MMP26: variants seen among roughly 807,000 people sequenced by gnomAD.
MMP26 encodes matrix metalloproteinase-26.
In MMP26, 33 loss-of-function variants were observed where a neutral mutation model predicts 31.0. The ratio of observed to expected loss-of-function variants is 1.06; its 90% confidence interval spans 0.81 to 1.42. MMP26 has a LOEUF of 1.42. Ranked by LOEUF, MMP26 falls within the 40% of genes most tolerant of loss-of-function variation. MMP26 has a pLI of 0.00. For synonymous variants in MMP26, 122 were observed against 114.9 expected, an observed-to-expected ratio of 1.06 and a Z score of -0.40; for missense variants, 347 against 316.1, an observed-to-expected ratio of 1.10 and a Z score of -0.74.
chr11:4,863,132 G>T (rs539142484), intron 2 of MMP26, among the ~76,000 whole-genome samples: 1 of 152,200 alleles, frequency 6.6e-6, no homozygotes, highest in African/African-American at 2.4e-5. Flanking sequence ...CTGAAGCCCT[G>T]TTCTTCCATG....
chr11:4,950,009 A>G (rs1009250307), intron 2 of MMP26, among the ~76,000 whole-genome samples: 9 of 122,964 alleles, frequency 7.3e-5, no homozygotes, highest in African/African-American at 2.5e-4. Flanking sequence ...GAGCTCTCAA[A>G]AGTTGTGATA....
chr11:4,816,561 A>G (rs73403054), intron 2 of MMP26, among the ~76,000 whole-genome samples: 11,902 of 152,014 alleles, frequency 0.078, 793 homozygotes, highest in African/African-American at 0.18. Flanking sequence ...AACGAAAGAT[A>G]ATTTAAATTC....
chr11:4,989,721 T>C lies in MMP26; in HGVS notation c.173T>C (p.Leu58Pro), dbSNP rs1291671419. 1 of 1,613,984 alleles carries C rather than the reference T, an allele frequency of 6.2e-7. No homozygotes were observed. The highest frequency in any genetic ancestry group is 1.1e-5 in the South Asian group (1 of 91,076). The change falls in exon 4 of 8, where the codon CTG (leucine) becomes CCG (proline). Residue 58 changes from leucine (L) to proline (P), a missense_variant. Physicochemically the swap from Leu to Pro is moderately conservative, Grantham distance 98. Coordinates refer to ENST00000380390, the MANE Select transcript of MMP26 (RefSeq NM_021801.5). ...ACCCAGGAGACACAAACACAGCTCC[T>C]GCAACAATTCCATCGGAATGGGACA... The part of the protein sequence containing the change: ...LLTQETQTQL[L>P]QQFHRNGTDL...
In MMP26 at chr11:4,924,305, G is replaced by A. The variant is rs755634175; in HGVS notation, c.-144-63763G>A. 8.1e-6 allele frequency: 13 copies of A among 1,612,050 alleles called. No individual in the cohort carries two copies. The East Asian group carries it at 2.7e-4, about 33-fold the overall frequency. On this transcript the variant is annotated intron_variant, in intron 2 of 7. Coordinates refer to ENST00000380390, the MANE Select transcript of MMP26 (RefSeq NM_021801.5). ...TTGGAAGCCCGTCAGGAAGAAAGTG[G>A]CTCTTTGGAGGCTGCTATTAAGAAG...
At chr11:4,868,080 A>T (rs899270596) in intron 2 of MMP26, among the ~76,000 whole-genome samples, 2 of 152,182 alleles carry the variant, frequency 1.3e-5, no homozygotes, top group African/African-American at 4.8e-5. Flanking sequence ...GAATGAAATC[A>T]TGTCCTTTCC....
chr11:4,980,921 A>G lies in MMP26; in HGVS notation c.-144-7147A>G, dbSNP rs562695889. Among the ~76,000 whole-genome samples, 29 of 152,172 alleles carry G rather than the reference A, an allele frequency of 1.9e-4. No homozygotes were observed. In the East Asian group the frequency reaches 5.4e-3, roughly 28 times the overall value. On this transcript the variant is annotated intron_variant, in intron 2 of 7. Coordinates refer to ENST00000380390, the MANE Select transcript of MMP26 (RefSeq NM_021801.5). ...AATGAAGAAAATAAAATCATAACAT[A>G]AACATATTAAGAAGGACAGGACTTA...
rs80228945 is a variant in MMP26, at chr11:4,955,667, A to G, written c.-144-32401A>G. ...ATATTCTAGCCCTGGCATCCCAACC[A>G]AGAAGAAGGTGGTGATTTCAACATA... On this transcript the variant is annotated intron_variant, in intron 2 of 7. Transcript: ENST00000380390. 1,924 of 1,534,124 alleles carry G rather than the reference A, an allele frequency of 1.3e-3. 1 individual carries two copies. The African/African-American group carries it at 0.023, about 19-fold the overall frequency.
At chr11:4,815,599 AG>A (rs1418064162) in intron 2 of MMP26, among the ~76,000 whole-genome samples, 1 of 152,162 alleles carries the variant, frequency 6.6e-6, no homozygotes, top group African/African-American at 2.4e-5. Context: ...AATTTTAGAC[AG>A]GGAACACAGC....
At chr11:4,725,750 C>T (rs1489755393) in intron 1 of MMP26, among the ~76,000 whole-genome samples, 1 of 152,180 alleles carries the variant, frequency 6.6e-6, no homozygotes, top group African/African-American at 2.4e-5. Context: ...GCACTGATGA[C>T]TGACTCCCTT....
At chr11:4,960,377 A>G (rs569813158) in intron 2 of MMP26, among the ~76,000 whole-genome samples, 30 of 151,882 alleles carry the variant, frequency 2.0e-4, no homozygotes, top group Admixed American at 9.2e-4. Flanking sequence ...AAGAAAGGTC[A>G]TGATGCCCCA....
chr11:4,825,573 CATA>C (rs1361898539), intron 2 of MMP26, among the ~76,000 whole-genome samples: 1 of 152,114 alleles, frequency 6.6e-6, no homozygotes, highest in African/African-American at 2.4e-5. Context: ...CAGCCCATTC[CATA>C]ATCTTTAGAT....
intron 2 of MMP26, among the ~76,000 whole-genome samples, chr11:4,939,638 G>T (rs760109606): frequency 6.6e-5 from 10 of 152,070 alleles, no homozygotes; most frequent in Non-Finnish European, 1.0e-4. Flanking sequence ...GGACAGTATG[G>T]GAAAACCTTG....
intron 1 of MMP26, among the ~76,000 whole-genome samples, chr11:4,765,613 C>G (rs1848618893): frequency 6.6e-6 from 1 of 152,146 alleles, no homozygotes; most frequent in South Asian, 2.1e-4. Context: ...TGGTGGTTAC[C>G]TACTGCAACC....
chr11:4,865,728 C>A (rs545258812), intron 2 of MMP26, among the ~76,000 whole-genome samples: 1 of 152,134 alleles, frequency 6.6e-6, no homozygotes, highest in South Asian at 2.1e-4. Context: ...CCAGACAATG[C>A]AGACTCGACT....
intron 2 of MMP26, among the ~76,000 whole-genome samples, chr11:4,931,974 T>A (rs1310369260): frequency 6.6e-6 from 1 of 152,094 alleles, no homozygotes; most frequent in Non-Finnish European, 1.5e-5. Flanking sequence ...ATCATCTTGC[T>A]TCCTTGATCC....
intron 2 of MMP26, among the ~76,000 whole-genome samples, chr11:4,884,776 C>A (rs1339120950): frequency 6.6e-6 from 1 of 151,878 alleles, no homozygotes; most frequent in Non-Finnish European, 1.5e-5. Context: ...TTTTTTCTTT[C>A]TTAAGTTTGG....
intron 1 of MMP26, among the ~76,000 whole-genome samples, chr11:4,740,297 A>G (rs1232703842): frequency 6.6e-6 from 1 of 152,232 alleles, no homozygotes; most frequent in East Asian, 1.9e-4. Context: ...ATTTAAACTC[A>G]TTTAATTTAA....
chr11:4,888,043 A>G (rs1425640876), intron 2 of MMP26, among the ~76,000 whole-genome samples: 1 of 152,156 alleles, frequency 6.6e-6, no homozygotes, highest in African/African-American at 2.4e-5. Flanking sequence ...ATATTTTGCC[A>G]TATAAAATAT....
At chr11:4,843,892 C>T (rs893266476) in intron 2 of MMP26, among the ~76,000 whole-genome samples, 2 of 151,936 alleles carry the variant, frequency 1.3e-5, no homozygotes, top group Non-Finnish European at 1.5e-5. Flanking sequence ...TGGGTGTACA[C>T]CGTTATAAGA....
Sources: allele counts gnomAD v4.1 joint callset (sites outside exome capture counted in the v4.1 genomes callset), GRCh38; gene constraint gnomAD v4.1.1; transcripts MANE v1.5; gene names NCBI Gene and HGNC (gene_info 2026-07-23, HGNC 2026-07-21).